Variants in ALK observed in about 807,000 individuals in gnomAD.
ALK encodes the protein ALK receptor tyrosine kinase, also known as ALK tyrosine kinase receptor.
ALK carries 74 observed loss-of-function variants against 163.1 expected under a neutral mutation model. The observed-to-expected ratio is 0.45, with a 90% CI of 0.38 to 0.55. The LOEUF (loss-of-function observed/expected upper bound fraction) is 0.55. ALK is among the 20% of genes least tolerant of loss of function. ALK has a pLI of 0.00. For missense variants in ALK, 2,063 were observed against 2,105.3 expected (o/e 0.98, Z 0.39); for synonymous variants, 960 against 843.2 (o/e 1.14, Z -2.40).
At chr2:29,528,544 T>C (rs1172590627) in intron 4 of ALK, among the ~76,000 whole-genome samples, 1 of 152,154 alleles carries the variant, frequency 6.6e-6, no homozygotes, top group Admixed American at 6.5e-5. Flanking sequence ...TGCTTGTGTC[T>C]TCCTTACTGG....
At chr2:29,496,753 A>T (rs907002181) in intron 4 of ALK, among the ~76,000 whole-genome samples, 9 of 152,136 alleles carry the variant, frequency 5.9e-5, no homozygotes, top group Admixed American at 5.9e-4. Context: ...CCCATGGAAG[A>T]CCCCAGTAGC....
intron 3 of ALK, among the ~76,000 whole-genome samples, chr2:29,543,976 C>CATGG (rs1391591730): frequency 9.2e-5 from 14 of 152,192 alleles, no homozygotes; most frequent in African/African-American, 3.1e-4. Context: ...TACACACATG[C>CATGG]ATGGATGGAT....
At chr2:29,369,180 A>G (rs979040717) in intron 5 of ALK, among the ~76,000 whole-genome samples, 5 of 152,130 alleles carry the variant, frequency 3.3e-5, no homozygotes, top group Non-Finnish European at 7.4e-5. Context: ...GGCACTAGGG[A>G]AGACCTCAGC....
rs80298661 is a variant in ALK at position 29,299,385 on chromosome 2, A to T, written c.1648-2328T>A. Among the ~76,000 whole-genome samples the T allele has an allele frequency of 7.2e-3, 1,097 of 152,324 alleles. 17 individuals carry two copies. Among genetic ancestry groups the T allele is most frequent in the African/African-American group, 0.025 (1,039 of 41,574 alleles). On this transcript the variant is annotated intron_variant, in intron 8 of 28. Coordinates refer to ENST00000389048, the MANE Select transcript of ALK (RefSeq NM_004304.5). Reference sequence around the variant, plus strand: ...GAAATCAACTTTTTCATCATTCAACAAATATTTGTTAAGCACTTATGCTGG... The same window carrying T: ...GAAATCAACTTTTTCATCATTCAACTAATATTTGTTAAGCACTTATGCTGG...
intron 1 of ALK, among the ~76,000 whole-genome samples, chr2:29,909,529 A>G (rs1667644867): frequency 6.7e-6 from 1 of 149,868 alleles, no homozygotes; most frequent in Non-Finnish European, 1.5e-5. Flanking sequence ...AATGCTCCAC[A>G]AAACTGCCTA....
At chr2:29,845,146 T>C (rs1020098823) in intron 1 of ALK, among the ~76,000 whole-genome samples, 26 of 152,114 alleles carry the variant, frequency 1.7e-4, no homozygotes, top group Admixed American at 5.2e-4. Flanking sequence ...AGGGCTAACA[T>C]AGGCACAGTT....
chr2:29,827,608 T>C (rs776577402), intron 1 of ALK, among the ~76,000 whole-genome samples: 8 of 152,170 alleles, frequency 5.3e-5, no homozygotes, highest in Admixed American at 1.3e-4. Flanking sequence ...GATTTACTAC[T>C]CCTACTAAGA....
intron 1 of ALK, among the ~76,000 whole-genome samples, chr2:29,776,225 T>TTA (rs1681171651): frequency 7.6e-6 from 1 of 131,240 alleles, no homozygotes; most frequent in African/African-American, 3.0e-5. Context: ...GGAATTTTGT[T>TTA]AAAAAAAAAA....
chr2:29,897,628 A>G (rs566014698), intron 1 of ALK, among the ~76,000 whole-genome samples: 1 of 152,278 alleles, frequency 6.6e-6, no homozygotes, highest in East Asian at 1.9e-4. Context: ...CTAAAGCCTC[A>G]AGACCTCCTC....
At chr2:29,913,171 T>C (rs971538892) in intron 1 of ALK, among the ~76,000 whole-genome samples, 2 of 151,868 alleles carry the variant, frequency 1.3e-5, no homozygotes, top group Non-Finnish European at 2.9e-5. Flanking sequence ...AGGGATTGGG[T>C]GTATCTTCCC....
chr2:29,564,449 C>T (rs4665469), intron 3 of ALK, among the ~76,000 whole-genome samples: 22,112 of 151,672 alleles, frequency 0.15, 2,000 homozygotes, highest in East Asian at 0.34. Context: ...CCACCCCCAC[C>T]GCCACCCTTG....
At chr2:29,784,466 C>T (rs780813214) in intron 1 of ALK, among the ~76,000 whole-genome samples, 12 of 152,060 alleles carry the variant, frequency 7.9e-5, no homozygotes, top group South Asian at 2.1e-4. Flanking sequence ...AAGGCTGAGG[C>T]GGGCAGATCA....
At chr2:29,632,994 A>C (rs1676420971) in intron 3 of ALK, among the ~76,000 whole-genome samples, 1 of 152,164 alleles carries the variant, frequency 6.6e-6, no homozygotes, top group Non-Finnish European at 1.5e-5. Context: ...ATTCAAGATG[A>C]GATTTGGGTG....
At chr2:29,883,257 C>T (rs1666910358) in intron 1 of ALK, among the ~76,000 whole-genome samples, 1 of 152,236 alleles carries the variant, frequency 6.6e-6, no homozygotes, top group Non-Finnish European at 1.5e-5. Flanking sequence ...AGCAACCAAG[C>T]CTGTGCTAAC....
chr2:29,709,230 C>G (rs1054184487), intron 2 of ALK, among the ~76,000 whole-genome samples: 10 of 152,136 alleles, frequency 6.6e-5, no homozygotes, highest in Admixed American at 5.9e-4. Context: ...TCTTTGAATC[C>G]TCAACCAAAT....
intron 4 of ALK, among the ~76,000 whole-genome samples, chr2:29,388,827 G>A (rs762610839): frequency 1.4e-4 from 21 of 152,134 alleles, no homozygotes; most frequent in South Asian, 2.1e-4. Flanking sequence ...CAGCCATCAC[G>A]TTTGTTTAAA....
chr2:29,464,210 G>A (rs1671152341), intron 4 of ALK, among the ~76,000 whole-genome samples: 1 of 152,110 alleles, frequency 6.6e-6, no homozygotes, highest in Admixed American at 6.6e-5. Flanking sequence ...CTATAATTAA[G>A]AAGATAATCA....
chr2:29,772,568 G>T (rs945377159), intron 1 of ALK, among the ~76,000 whole-genome samples: 26 of 152,122 alleles, frequency 1.7e-4, no homozygotes, highest in African/African-American at 6.0e-4. Context: ...TCCATGGAAA[G>T]GGTTTAAAAT....
chr2:29,893,077 G>A (rs972631945), intron 1 of ALK, among the ~76,000 whole-genome samples: 1 of 152,082 alleles, frequency 6.6e-6, no homozygotes, highest in South Asian at 2.1e-4. Context: ...TCTATTCTGG[G>A]CCACTCCTGA....
Sources: allele counts gnomAD v4.1 joint callset (sites outside exome capture counted in the v4.1 genomes callset), GRCh38; gene constraint gnomAD v4.1.1; transcripts MANE v1.5; gene names NCBI Gene and HGNC (gene_info 2026-07-23, HGNC 2026-07-21).